MCF2L: variants seen among roughly 807,000 people sequenced by gnomAD.
MCF2L encodes guanine nucleotide exchange factor DBS.
Under a neutral mutation model 153.4 loss-of-function variants are expected in MCF2L, and 97 were observed. That is an observed-to-expected ratio of 0.63 (90% CI 0.54 to 0.75). MCF2L has a LOEUF of 0.75. Ranked by LOEUF, MCF2L falls within the 30% of genes least tolerant of loss-of-function variation. The probability of loss-of-function intolerance (pLI) is 0.00; values close to 1 mark genes in which losing one functional copy is unlikely to be tolerated. For missense variants in MCF2L, 1,347 were observed against 1,495.2 expected (o/e 0.90, Z 1.64); for synonymous variants, 659 against 632.2 (o/e 1.04, Z -0.64).
At chr13:112,965,881 G>A (rs987502584), upstream of MCF2L, 1 of 152,196 alleles carries the variant, frequency 6.6e-6, no homozygotes, top group Non-Finnish European at 1.5e-5. Context: ...GGGACACACG[G>A]CTTGGGACCT....
intron 1 of MCF2L, among the ~76,000 whole-genome samples, chr13:112,898,555 G>A (rs1441108898): frequency 1.3e-5 from 2 of 152,116 alleles, no homozygotes; most frequent in Middle Eastern, 3.2e-3. Flanking sequence ...TAACGCCCAC[G>A]GCCATGCAGG....
At chr13:112,968,910 G>T, upstream of MCF2L, 1 of 592,104 alleles carries the variant, frequency 1.7e-6, no homozygotes, top group Non-Finnish European at 2.7e-6. Flanking sequence ...GGTGACCTTG[G>T]CGGTGACACG....
At chr13:113,066,241 T>C in intron 8 of MCF2L, 71 bp downstream of exon 8, 1 of 1,480,842 alleles carries the variant, frequency 6.8e-7, no homozygotes, top group East Asian at 2.5e-5. Context: ...GCACACAGCT[T>C]CTGCAAAAGA....
intron 1 of MCF2L, among the ~76,000 whole-genome samples, chr13:112,896,099 G>C (rs1005982506): frequency 6.6e-6 from 1 of 152,204 alleles, no homozygotes; most frequent in Non-Finnish European, 1.5e-5. Flanking sequence ...CAGGGACCCC[G>C]TGGCACCACC....
Position 112,904,649 on chromosome 13 carries a change from T to C in MCF2L, c.169+2278T>C, listed in dbSNP as rs568819470. Among the ~76,000 whole-genome samples, 3 of 152,332 alleles carry C rather than the reference T, an allele frequency of 2.0e-5. No individual in the cohort carries two copies. Among genetic ancestry groups the C allele is most frequent in the East Asian group, 1.9e-4 (1 of 5,180 alleles). On this transcript the variant is annotated intron_variant, in intron 2 of 29. Transcript: ENST00000375608. This position sits in a 1 kb window ranked among gnomAD's most constrained non-coding sequence, Gnocchi z 4.2. The stretch of plus-strand genomic sequence containing the variant: ...CCCTCCAACCCTGGACTCCAGGGGA[T>C]TGGAAGATAATCTGCTTAGAGTTCT...
upstream of MCF2L, chr13:112,965,971 A>G (rs974607464): frequency 6.6e-6 from 1 of 152,248 alleles, no homozygotes; most frequent in African/African-American, 2.4e-5. Flanking sequence ...TCCCCGATGC[A>G]GACACCACAG....
At chr13:112,976,590 A>T (rs1320535118) in intron 1 of MCF2L, among the ~76,000 whole-genome samples, 1 of 152,074 alleles carries the variant, frequency 6.6e-6, no homozygotes, top group Non-Finnish European at 1.5e-5. Flanking sequence ...TCACGCGGGG[A>T]GCAGCACTGG....
Position 113,024,633 on chromosome 13 carries a change from T to C in MCF2L, c.164-11T>C. On this transcript the variant is annotated splice_polypyrimidine_tract_variant and intron_variant, in intron 2 of 29. Coordinates refer to ENST00000535094, the MANE Select transcript of MCF2L (RefSeq NM_001112732.3). Reference sequence around the variant, plus strand: ...CCCTCGGCTAAGGGTCTGCCTCTGGTCTCTCCCCAGGTGGGCGGGGGCAGG... The same window carrying C: ...CCCTCGGCTAAGGGTCTGCCTCTGGCCTCTCCCCAGGTGGGCGGGGGCAGG... 1 of 1,598,774 alleles carries C rather than the reference T, an allele frequency of 6.3e-7. No homozygotes were observed. The highest frequency in any genetic ancestry group is 8.6e-7 in the Non-Finnish European group (1 of 1,166,546).
intron 2 of MCF2L, among the ~76,000 whole-genome samples, chr13:112,918,715 CATT>C (rs1340301054): frequency 6.6e-6 from 1 of 152,180 alleles, no homozygotes; most frequent in Non-Finnish European, 1.5e-5. Flanking sequence ...TGGATATAAA[CATT>C]ATATGCAGAG....
chr13:113,018,858 C>T (rs917610925), intron 2 of MCF2L, among the ~76,000 whole-genome samples: 4 of 152,216 alleles, frequency 2.6e-5, no homozygotes, highest in Non-Finnish European at 4.4e-5. Context: ...CTCCCACTGC[C>T]CAGGCGGCTC....
At chr13:112,895,205 C>T (rs1228861211) in intron 1 of MCF2L, among the ~76,000 whole-genome samples, 1 of 152,100 alleles carries the variant, frequency 6.6e-6, no homozygotes, top group Admixed American at 6.5e-5. Flanking sequence ...GAGGGCTGGG[C>T]CAGAGGGGGC....
rs897316917 is a variant in MCF2L at position 113,054,612 on chromosome 13, C to T, written c.370-5981C>T. ...AATGTAGTTGGTGAGGTTTCAGTTG[C>T]TCTGAAATTAAATATATAATGTCAA... On this transcript the variant is annotated intron_variant, in intron 4 of 29. Transcript: ENST00000535094. This position sits in a 1 kb window ranked among gnomAD's most constrained non-coding sequence, Gnocchi z 5.2. 7.2e-5 allele frequency: 11 copies of T among 152,196 alleles called. No individual in the cohort carries two copies. The highest frequency in any genetic ancestry group is 1.2e-4 in the Non-Finnish European group (8 of 68,040). 9.4% of individuals were successfully genotyped at this position (152,196 alleles called of 1,614,324 possible).
At chr13:112,982,843 A>T (rs1338223248) in intron 1 of MCF2L, among the ~76,000 whole-genome samples, 1 of 151,942 alleles carries the variant, frequency 6.6e-6, no homozygotes, top group East Asian at 1.9e-4. Flanking sequence ...AAAGGACAGG[A>T]TGATCAGGGA....
intron 2 of MCF2L, among the ~76,000 whole-genome samples, chr13:112,964,117 GGGGGGGC>G (rs1566664446): frequency 2.7e-5 from 3 of 109,566 alleles, no homozygotes; most frequent in Non-Finnish European, 6.0e-5. Flanking sequence ...GCGGGGGGGC[GGGGGGGC>G]CCAGCTGGGG....
At chr13:113,084,325 A>T (rs2034432990) in intron 18 of MCF2L, among the ~76,000 whole-genome samples, 1 of 39,368 alleles carries the variant, frequency 2.5e-5, no homozygotes, top group Non-Finnish European at 7.1e-5. Flanking sequence ...GACCTCCTGT[A>T]CCCCAGAACC....
intron 2 of MCF2L, among the ~76,000 whole-genome samples, chr13:112,916,567 T>G (rs113837971): frequency 0.029 from 4,439 of 152,248 alleles, 192 homozygotes; most frequent in African/African-American, 0.096. Context: ...TCCTCTGACT[T>G]CCTTGCACCA....
intron 1 of MCF2L, among the ~76,000 whole-genome samples, chr13:112,971,953 C>T (rs988035227): frequency 1.3e-5 from 2 of 152,254 alleles, no homozygotes; most frequent in Non-Finnish European, 1.5e-5. Flanking sequence ...CCTCCAACTA[C>T]AGCATGTACA....
chr13:112,894,760 C>T (rs1214429017), intron 1 of MCF2L, among the ~76,000 whole-genome samples: 2 of 152,142 alleles, frequency 1.3e-5, no homozygotes, highest in Non-Finnish European at 2.9e-5. Context: ...CAGGTGTCAC[C>T]CCCTGGACGG....
At chr13:112,925,395 G>A (rs2081391838) in intron 2 of MCF2L, among the ~76,000 whole-genome samples, 1 of 152,166 alleles carries the variant, frequency 6.6e-6, no homozygotes, top group Non-Finnish European at 1.5e-5. Flanking sequence ...CCAAAAGGAA[G>A]GAGTACTTCT....
Sources: allele counts gnomAD v4.1 joint callset (sites outside exome capture counted in the v4.1 genomes callset), GRCh38; gene constraint gnomAD v4.1.1; non-coding constraint Gnocchi (gnomAD v3.1); transcripts MANE v1.5; gene names NCBI Gene and HGNC (gene_info 2026-07-23, HGNC 2026-07-21).